The following DNAJC3 variants were observed in gnomAD, a reference collection of about 807,000 sequenced individuals.
DNAJC3 encodes the protein dnaJ homolog subfamily C member 3.
Under a neutral mutation model 68.6 loss-of-function variants are expected in DNAJC3, and 38 were observed. The ratio of observed to expected loss-of-function variants is 0.55; its 90% confidence interval spans 0.43 to 0.73. The LOEUF is 0.73. Ranked by LOEUF, DNAJC3 falls within the 30% of genes least tolerant of loss-of-function variation. DNAJC3 has a pLI of 0.00. For synonymous variants in DNAJC3, 203 were observed against 204.0 expected (o/e 1.00, Z 0.04); for missense variants, 526 against 591.9 (o/e 0.89, Z 1.16).
At chr13:95,750,930 A>C (rs1882455485) in intron 4 of DNAJC3, among the ~76,000 whole-genome samples, 1 of 152,204 alleles carries the variant, frequency 6.6e-6, no homozygotes, top group African/African-American at 2.4e-5. Context: ...ATCTGTAGTA[A>C]GTATACAAAA....
Position 95,792,654 on chromosome 13 carries a change from G to A in DNAJC3, c.*1624G>A, listed in dbSNP as rs1052536642. ...AAGTGCTTTCTGCATCTATTTAGGAGTCTATTTCTTACCAATAAACTTGAC... is the reference window on the plus strand; with the variant it reads ...AAGTGCTTTCTGCATCTATTTAGGAATCTATTTCTTACCAATAAACTTGAC... On this transcript the variant is annotated 3_prime_UTR_variant, in exon 12 of 12. Coordinates refer to ENST00000602402, the MANE Select transcript of DNAJC3 (RefSeq NM_006260.5). 1.3e-5 allele frequency: 2 copies of A among 152,184 alleles called. No homozygotes were observed. The highest frequency in any genetic ancestry group is 4.8e-5 in the African/African-American group (2 of 41,434). 9.4% of individuals were successfully genotyped at this position (152,184 alleles called of 1,614,324 possible).
intron 1 of DNAJC3, among the ~76,000 whole-genome samples, chr13:95,701,419 C>T (rs555915766): frequency 3.3e-5 from 5 of 152,252 alleles, no homozygotes; most frequent in East Asian, 1.9e-4. Context: ...GGAGAGGGGC[C>T]GCTAAATGGA....
At chr13:95,788,906 C>T (rs1045247973) in intron 11 of DNAJC3, among the ~76,000 whole-genome samples, 16 of 152,158 alleles carry the variant, frequency 1.1e-4, no homozygotes, top group Admixed American at 2.0e-4. Flanking sequence ...ACCTACAATA[C>T]CCGCTTAGTT....
At chr13:95,754,300 C>T (rs942037150) in intron 4 of DNAJC3, among the ~76,000 whole-genome samples, 2 of 152,134 alleles carry the variant, frequency 1.3e-5, no homozygotes, top group African/African-American at 2.4e-5. Flanking sequence ...GCTTCTCACA[C>T]GGGCCTCTCA....
chr13:95,739,527 T>C (rs1882052325), intron 4 of DNAJC3, among the ~76,000 whole-genome samples: 1 of 151,400 alleles, frequency 6.6e-6, no homozygotes, highest in African/African-American at 2.4e-5. Flanking sequence ...TCATTTCTTT[T>C]TATTCTTTTT....
chr13:95,781,148 T>A (rs552673178), intron 9 of DNAJC3, among the ~76,000 whole-genome samples: 1 of 152,236 alleles, frequency 6.6e-6, no homozygotes, highest in Non-Finnish European at 1.5e-5. Flanking sequence ...TTGGTCTGGG[T>A]GGGACCGCTT....
intron 1 of DNAJC3, among the ~76,000 whole-genome samples, chr13:95,689,886 G>A (rs1259810035): frequency 1.3e-5 from 2 of 151,740 alleles, no homozygotes; most frequent in East Asian, 3.9e-4. Context: ...TACTTTTCAT[G>A]TACTTGTGTT....
At chr13:95,707,907 G>A (rs1205660259) in intron 1 of DNAJC3, among the ~76,000 whole-genome samples, 2 of 152,156 alleles carry the variant, frequency 1.3e-5, no homozygotes, top group Non-Finnish European at 2.9e-5. Context: ...AATTGGGCAA[G>A]CAGGAAACAA....
rs1385811521 is a variant in DNAJC3 at position 95,763,694 on chromosome 13, C to T, written c.900C>T (p.Ser300=). 1.2e-6 allele frequency: 2 copies of T among 1,614,000 alleles called. No individual in the cohort carries two copies. The highest frequency in any genetic ancestry group is 3.3e-5 in the Admixed American group (2 of 60,014). ...AATCTGTCATGAAAACAGAGCCAAG[C>T]ATTGCTGAATATACAGTTCGTTCAA... ...KYESVMKTEP[S]IAEYTVRSKE... The change falls in exon 8 of 12, where the codon AGC becomes AGT. Residue 300 remains serine (S), a synonymous_variant. Transcript: ENST00000602402.
intron 9 of DNAJC3, among the ~76,000 whole-genome samples, chr13:95,768,060 G>A (rs566210797): frequency 4.6e-5 from 7 of 152,074 alleles, no homozygotes; most frequent in African/African-American, 1.7e-4. Context: ...ATGGGCTTGA[G>A]GTGGTACCTG....
chr13:95,709,334 G>T lies in DNAJC3; in HGVS notation c.190G>T (p.Val64Leu). The change falls in exon 2 of 12, where the codon GTA becomes TTA. Residue 64 changes from valine (V) to leucine (L), a missense_variant. Val to Leu is a conservative substitution (Grantham distance 32). Transcript: ENST00000602402. ...ADALSQFHAA[V>L]DGDPDNYIAY... ...TGCTTTATCTCAGTTTCATGCTGCC[G>T]TAGGTTTGTATCATGGAACCAAATC... is the stretch of plus-strand genomic sequence containing the variant. 6.3e-7 allele frequency: 1 copy of T among 1,583,804 alleles called. No homozygotes were observed. Among genetic ancestry groups the T allele is most frequent in the Non-Finnish European group, 8.6e-7 (1 of 1,167,216 alleles).
intron 9 of DNAJC3, among the ~76,000 whole-genome samples, chr13:95,777,504 C>G (rs1314049043): frequency 1.3e-5 from 2 of 152,016 alleles, no homozygotes; most frequent in African/African-American, 4.8e-5. Context: ...ATTTCCTTTG[C>G]CTTGTCATCA....
intron 2 of DNAJC3, among the ~76,000 whole-genome samples, chr13:95,721,036 A>G (rs551885043): frequency 1.3e-5 from 2 of 152,136 alleles, no homozygotes; most frequent in Non-Finnish European, 2.9e-5. Context: ...GAAACTCTGC[A>G]TCCATTAAAC....
intron 2 of DNAJC3, among the ~76,000 whole-genome samples, chr13:95,712,207 G>A (rs1880993215): frequency 6.6e-6 from 1 of 152,076 alleles, no homozygotes; most frequent in Non-Finnish European, 1.5e-5. Context: ...TTGGGAATCT[G>A]TATTGGTGAG....
chr13:95,755,698 AG>A (rs1882634554), intron 4 of DNAJC3, among the ~76,000 whole-genome samples: 1 of 137,620 alleles, frequency 7.3e-6, no homozygotes, highest in African/African-American at 2.7e-5. Context: ...CGGAGGTTGC[AG>A]TGACCTGAGA....
At chr13:95,714,804 A>G (rs1196838957) in intron 2 of DNAJC3, among the ~76,000 whole-genome samples, 1 of 152,256 alleles carries the variant, frequency 6.6e-6, no homozygotes, top group Non-Finnish European at 1.5e-5. Context: ...GTTTGCAGAA[A>G]TGTATATACC....
chr13:95,699,751 G>T (rs908663342), intron 1 of DNAJC3, among the ~76,000 whole-genome samples: 1 of 152,140 alleles, frequency 6.6e-6, no homozygotes, highest in South Asian at 2.1e-4. Context: ...TAAAGATACA[G>T]AAATTTCCAG....
intron 1 of DNAJC3, among the ~76,000 whole-genome samples, chr13:95,701,302 G>A (rs1880581264): frequency 6.6e-6 from 1 of 152,142 alleles, no homozygotes; most frequent in African/African-American, 2.4e-5. Flanking sequence ...ATTTAGAGTT[G>A]GTTATTTTGA....
rs1566505856 is a variant in DNAJC3 at position 95,763,755 on chromosome 13, G to A, written c.954+7G>A. The A allele has an allele frequency of 1.9e-6, 3 of 1,613,766 alleles. No homozygotes were observed. The highest frequency in any genetic ancestry group is 4.5e-5 in the East Asian group (2 of 44,866). On this transcript the variant is annotated splice_region_variant and intron_variant, in intron 8 of 11. Coordinates refer to ENST00000602402, the MANE Select transcript of DNAJC3 (RefSeq NM_006260.5). ...TTGCCACTGCTTTTCTAAGGTAACA[G>A]TTGACTTGTTCCCAGAAATGTGAAA...
Sources: gnomAD v4.1 joint callset for allele counts (sites outside exome capture counted in the v4.1 genomes callset) on GRCh38, gnomAD v4.1.1 for gene constraint, MANE v1.5 for transcripts, NCBI Gene and HGNC (gene_info 2026-07-23, HGNC 2026-07-21) for gene names.